The following RBFOX3 variants were observed in gnomAD, a reference collection of about 807,000 sequenced individuals.
The protein encoded by RBFOX3 is RNA binding fox-1 homolog 3.
Under a neutral mutation model 48.7 loss-of-function variants are expected in RBFOX3, and 17 were observed. The ratio of observed to expected loss-of-function variants is 0.35; its 90% CI spans 0.24 to 0.52. The LOEUF (loss-of-function observed/expected upper bound fraction) is 0.52. Among genes scored for constraint, RBFOX3 ranks in the 20% least tolerant of loss-of-function variants. The probability of loss-of-function intolerance (pLI) is 0.94; values close to 1 mark genes in which losing one functional copy is unlikely to be tolerated. For synonymous variants in RBFOX3, 212 were observed against 209.5 expected (o/e 1.01, Z -0.10); for missense variants, 382 against 497.5 (o/e 0.77, Z 2.21).
intron 1 of RBFOX3, among the ~76,000 whole-genome samples, chr17:79,523,927 G>A (rs936447432): frequency 6.6e-6 from 1 of 152,214 alleles, no homozygotes; most frequent in South Asian, 2.1e-4. Context: ...TGGCCACCTC[G>A]GTGGCACTGG....
intron 2 of RBFOX3, among the ~76,000 whole-genome samples, chr17:79,432,144 G>T (rs1457307554): frequency 6.6e-6 from 1 of 152,158 alleles, no homozygotes; most frequent in South Asian, 2.1e-4. Context: ...CCTTTTCAAG[G>T]CTGAGTAATA....
At chr17:79,440,463 TG>T (rs1468213657) in intron 2 of RBFOX3, among the ~76,000 whole-genome samples, 1 of 152,116 alleles carries the variant, frequency 6.6e-6, no homozygotes, top group Non-Finnish European at 1.5e-5. Context: ...TGGCTATACC[TG>T]GGCCGGCCGA....
chr17:79,659,869 A>G, the RBFOX3 span, among the ~76,000 whole-genome samples: 3 of 152,044 alleles, frequency 2.0e-5, no homozygotes, highest in African/African-American at 7.2e-5. Context: ...TCTCCTCCCT[A>G]AAGGGAACCA....
At chr17:79,336,566 G>GA (rs1394782596) in intron 2 of RBFOX3, among the ~76,000 whole-genome samples, 1 of 152,224 alleles carries the variant, frequency 6.6e-6, no homozygotes, top group East Asian at 1.9e-4. Flanking sequence ...CACAAGGGCA[G>GA]AAATCAGTGA....
At chr17:79,294,617 G>A (rs893031599) in intron 3 of RBFOX3, among the ~76,000 whole-genome samples, 2 of 152,194 alleles carry the variant, frequency 1.3e-5, no homozygotes, top group African/African-American at 4.8e-5. Flanking sequence ...TTTGCTTCTT[G>A]GAGAAACAGG....
chr17:79,148,429 G>A (rs2043539256), intron 4 of RBFOX3, among the ~76,000 whole-genome samples: 3 of 152,180 alleles, frequency 2.0e-5, no homozygotes, highest in African/African-American at 7.2e-5. Flanking sequence ...GGTGGAAGGG[G>A]CAGGGCTCAT....
chr17:79,551,034 T>C (rs1052462796), intron 1 of RBFOX3, among the ~76,000 whole-genome samples: 2 of 152,244 alleles, frequency 1.3e-5, no homozygotes, highest in Admixed American at 1.3e-4. Context: ...ACTTGAAATG[T>C]AACTAGTATA....
chr17:79,156,132 G>C, intron 4 of RBFOX3, among the ~76,000 whole-genome samples: 1 of 152,210 alleles, frequency 6.6e-6, no homozygotes, highest in East Asian at 1.9e-4. Flanking sequence ...AAAAGGTCTT[G>C]GGAAGGAGGA....
chr17:79,565,101 CTATA>C (rs1179474506), intron 1 of RBFOX3, among the ~76,000 whole-genome samples: 3 of 147,320 alleles, frequency 2.0e-5, no homozygotes, highest in African/African-American at 7.4e-5. Flanking sequence ...AGGGTACAGA[CTATA>C]TATAAATATC....
chr17:79,508,728 C>T (rs1353064015), intron 1 of RBFOX3: 9 of 152,336 alleles, frequency 5.9e-5, no homozygotes, highest in Admixed American at 5.9e-4. Flanking sequence ...CCGTGCACAC[C>T]CCACACTCCG....
chr17:79,194,313 C>T (rs530106894), intron 4 of RBFOX3, among the ~76,000 whole-genome samples: 19 of 152,094 alleles, frequency 1.2e-4, no homozygotes, highest in Admixed American at 3.3e-4. Flanking sequence ...TAGGTACAAA[C>T]TGCCTCCTGG....
intron 4 of RBFOX3, among the ~76,000 whole-genome samples, chr17:79,118,828 A>G (rs80042746): frequency 1.4e-5 from 2 of 143,294 alleles, no homozygotes; most frequent in African/African-American, 2.6e-5. Context: ...AAAAAAAAAA[A>G]TAGCCAGGTG....
chr17:79,141,477 T>C (rs938132072), intron 4 of RBFOX3, among the ~76,000 whole-genome samples: 7 of 152,078 alleles, frequency 4.6e-5, no homozygotes, highest in African/African-American at 1.7e-4. Flanking sequence ...AAGCCAGTGT[T>C]AAATTTCTCT....
At chr17:79,587,998 G>A (rs940054514) in intron 1 of RBFOX3, among the ~76,000 whole-genome samples, 43 of 152,132 alleles carry the variant, frequency 2.8e-4, no homozygotes, top group African/African-American at 1.0e-3. Flanking sequence ...ACCATGCCTG[G>A]CTCTTTTTAA....
intron 10 of RBFOX3, 99 bp from the exon 11 acceptor site, chr17:79,097,523 A>G (rs1485166266): frequency 1.4e-6 from 1 of 738,378 alleles, no homozygotes; most frequent in African/African-American, 6.0e-5. Flanking sequence ...CCTAGCCCCC[A>G]ACCCCTCCCC....
intron 2 of RBFOX3, among the ~76,000 whole-genome samples, chr17:79,448,573 C>A (rs1032020585): frequency 2.0e-5 from 3 of 152,166 alleles, no homozygotes; most frequent in Non-Finnish European, 4.4e-5. Flanking sequence ...GATGGACCCT[C>A]CCCTGAAGCC....
At chr17:79,218,239 G>T (rs2059302724) in intron 4 of RBFOX3, among the ~76,000 whole-genome samples, 1 of 152,056 alleles carries the variant, frequency 6.6e-6, no homozygotes, top group Non-Finnish European at 1.5e-5. Context: ...TCGGACTTGG[G>T]GGGTGGCAGC....
At chr17:79,472,930 A>G (rs2077228897) in intron 2 of RBFOX3, among the ~76,000 whole-genome samples, 1 of 152,188 alleles carries the variant, frequency 6.6e-6, no homozygotes, top group Admixed American at 6.5e-5. Flanking sequence ...TTTTTGAGAC[A>G]GGGTCTCACT....
chr17:79,637,917 A>G, the RBFOX3 span, among the ~76,000 whole-genome samples: 2 of 152,286 alleles, frequency 1.3e-5, no homozygotes, highest in African/African-American at 4.8e-5. Flanking sequence ...ATGAGAAGAA[A>G]CTAGAAATCA....
Sources: gnomAD v4.1 joint callset for allele counts (sites outside exome capture counted in the v4.1 genomes callset) on GRCh38, gnomAD v4.1.1 for gene constraint, MANE v1.5 for transcripts, NCBI Gene and HGNC (gene_info 2026-07-23, HGNC 2026-07-21) for gene names.